THSD7A: variants seen among roughly 807,000 people sequenced by gnomAD.
The protein encoded by THSD7A is thrombospondin type-1 domain-containing protein 7A.
Under a neutral mutation model 231.3 loss-of-function variants are expected in THSD7A, and 96 were observed. That is an observed-to-expected ratio of 0.41 (90% confidence interval 0.35 to 0.49). The LOEUF is 0.49. Among genes scored for constraint, THSD7A ranks in the 20% least tolerant of loss-of-function variants. The pLI, the probability that THSD7A is intolerant of heterozygous loss-of-function variation, is 0.05. For synonymous variants in THSD7A, 940 were observed against 743.3 expected, an observed-to-expected ratio of 1.26 and a Z score of -4.30; for missense variants, 2,290 against 2,070.2, an observed-to-expected ratio of 1.11 and a Z score of -2.06.
chr7:11,379,841 G>A, intron 24 of THSD7A, 129 bp from the exon 25 acceptor site: 2 of 1,001,202 alleles, frequency 2.0e-6, no homozygotes, highest in Non-Finnish European at 3.0e-6. Context: ...GTCAGTGGTT[G>A]ACTGTGAAAT....
At chr7:11,611,767 C>A (rs1052451620) in intron 2 of THSD7A, among the ~76,000 whole-genome samples, 1 of 147,488 alleles carries the variant, frequency 6.8e-6, no homozygotes, top group Non-Finnish European at 1.5e-5. Context: ...ATTGCTACAA[C>A]TAGCCATAAA....
intron 1 of THSD7A, among the ~76,000 whole-genome samples, chr7:11,812,147 CAGAG>C (rs902526907): frequency 2.3e-5 from 3 of 131,620 alleles, no homozygotes; most frequent in African/African-American, 9.0e-5. Context: ...GTGTGGGAGA[CAGAG>C]AGAGAGATAT....
At chr7:11,729,014 A>G (rs974872515) in intron 1 of THSD7A, among the ~76,000 whole-genome samples, 1 of 151,878 alleles carries the variant, frequency 6.6e-6, no homozygotes, top group Non-Finnish European at 1.5e-5. Flanking sequence ...AAACCATATC[A>G]TTAAAGAAAC....
chr7:11,524,164 C>T (rs1423206077), intron 6 of THSD7A, among the ~76,000 whole-genome samples: 1 of 152,126 alleles, frequency 6.6e-6, no homozygotes, highest in Admixed American at 6.6e-5. Context: ...TTTCTTCTTA[C>T]ATGAATTGTA....
rs47 is a variant in THSD7A, at chr7:11,541,494, T to G, written c.1747A>C (p.Asn583His). Residue 583 changes from asparagine (N) to histidine (H), a missense_variant, in exon 6 of 28, where the codon AAC (asparagine) becomes CAC (histidine). Coordinates refer to ENST00000423059, the MANE Select transcript of THSD7A (RefSeq NM_015204.3). ...CYDWKAVRLG[N>H]CEPDNGKECG... Reference sequence around the variant, plus strand: ...TCCTTTCCGTTATCTGGCTCGCAGTTTCCCAGTCTCACTGCTTTCCAGTCA... The same window carrying G: ...TCCTTTCCGTTATCTGGCTCGCAGTGTCCCAGTCTCACTGCTTTCCAGTCA... 1.2e-6 allele frequency: 2 copies of G among 1,613,588 alleles called. No individual in the cohort carries two copies. Among genetic ancestry groups the G allele is most frequent in the Non-Finnish European group, 1.7e-6 (2 of 1,179,730 alleles).
intron 4 of THSD7A, among the ~76,000 whole-genome samples, chr7:11,586,019 A>T (rs1779887277): frequency 6.6e-6 from 1 of 152,128 alleles, no homozygotes; most frequent in Admixed American, 6.5e-5. Flanking sequence ...TGCTTTTTAC[A>T]TCCCACTGTA....
In THSD7A at chr7:11,375,130, C is replaced by T. The variant is rs929225716; in HGVS notation, c.*664G>A. 2 of 151,840 alleles carry T rather than the reference C, an allele frequency of 1.3e-5. No homozygotes were observed. Among genetic ancestry groups the T allele is most frequent in the Admixed American group, 6.6e-5 (1 of 15,200 alleles). The allele number at this position is 151,840 out of a possible 1,614,324, so 9.4% of individuals were successfully genotyped here. On this transcript the variant is annotated 3_prime_UTR_variant, in exon 28 of 28. Transcript: ENST00000423059. ...CTATAAAATACTGAACTTGAGGACT[C>T]GTTCTTCTAAGACACTAGTACTTGT...
intron 1 of THSD7A, among the ~76,000 whole-genome samples, chr7:11,778,750 G>A (rs1783527884): frequency 6.6e-6 from 1 of 152,044 alleles, no homozygotes; most frequent in Admixed American, 6.5e-5. Context: ...TGAATCATAT[G>A]AATATGAAGT....
intron 4 of THSD7A, among the ~76,000 whole-genome samples, chr7:11,563,131 G>C (rs559886427): frequency 1.3e-5 from 2 of 152,036 alleles, no homozygotes; most frequent in African/African-American, 4.8e-5. Flanking sequence ...TTGAATCATA[G>C]AAGTTTATTT....
chr7:11,554,610 G>A (rs31), intron 4 of THSD7A, among the ~76,000 whole-genome samples: 124,698 of 151,890 alleles, frequency 0.82, 51,705 homozygotes, highest in African/African-American at 0.93. Context: ...TTTAATATTG[G>A]AGTAGGCTTG....
chr7:11,818,022 G>A (rs112738233), intron 1 of THSD7A, among the ~76,000 whole-genome samples: 1,646 of 152,152 alleles, frequency 0.011, 38 homozygotes, highest in African/African-American at 0.037. Flanking sequence ...CCTCTGTAAC[G>A]TTTATAGTCA....
chr7:11,418,570 G>C lies in THSD7A; in HGVS notation c.3384-967C>G, dbSNP rs536938958. On this transcript the variant is annotated intron_variant, in intron 16 of 27. Transcript: ENST00000423059. ...TGAACTCTCAAGTCTCTCAAACCTA[G>C]TGTCATGTTTTAAAATATCACTTGA... Among the ~76,000 whole-genome samples the C allele has an allele frequency of 1.1e-4, 17 of 152,316 alleles. No homozygotes were observed. In the South Asian group the frequency reaches 3.5e-3, roughly 32 times the overall value.
In THSD7A at chr7:11,470,010, G is replaced by A; in HGVS notation, c.2253-16C>T. On this transcript the variant is annotated splice_polypyrimidine_tract_variant and intron_variant, in intron 8 of 27. Coordinates refer to ENST00000423059, the MANE Select transcript of THSD7A (RefSeq NM_015204.3). ...TTCAGGACATCTAGAAAGGCAAAGGGGAATTATTAGGCTTCAATAGTAAAG... is the reference window on the plus strand; with the variant it reads ...TTCAGGACATCTAGAAAGGCAAAGGAGAATTATTAGGCTTCAATAGTAAAG... The A allele has an allele frequency of 6.7e-7, 1 of 1,487,146 alleles. No homozygotes were observed. The allele number at this position is 1,487,146 out of a possible 1,614,324, so 92.1% of individuals were successfully genotyped here. A position where few individuals can be genotyped will look rare whatever the true frequency, so the allele number is the denominator to read the frequency against.
chr7:11,605,350 A>G (rs895020598), intron 2 of THSD7A, among the ~76,000 whole-genome samples: 7 of 152,122 alleles, frequency 4.6e-5, no homozygotes, highest in Non-Finnish European at 8.8e-5. Flanking sequence ...AAATGAGCCC[A>G]ATAATTTCTC....
intron 1 of THSD7A, among the ~76,000 whole-genome samples, chr7:11,719,272 T>C (rs1019220661): frequency 4.0e-5 from 6 of 151,636 alleles, no homozygotes; most frequent in African/African-American, 2.4e-5. Context: ...CCTCCCACCC[T>C]ACGCCCTTGG....
At chr7:11,456,429 T>TC (rs1182324737) in intron 11 of THSD7A, among the ~76,000 whole-genome samples, 1 of 152,084 alleles carries the variant, frequency 6.6e-6, no homozygotes. Flanking sequence ...TTTACTATTG[T>TC]CCCAGTCTTT....
intron 4 of THSD7A, among the ~76,000 whole-genome samples, chr7:11,567,731 C>T (rs1379725045): frequency 1.3e-5 from 2 of 152,100 alleles, no homozygotes; most frequent in African/African-American, 4.8e-5. Context: ...GATTGCAAAC[C>T]ACAGCTGTAT....
At chr7:11,712,107 A>C (rs34332740) in intron 1 of THSD7A, among the ~76,000 whole-genome samples, 20,773 of 150,886 alleles carry the variant, frequency 0.14, 1,592 homozygotes, top group Admixed American at 0.19. Flanking sequence ...AAAAAACTAG[A>C]CTTCTGTCTA....
intron 1 of THSD7A, among the ~76,000 whole-genome samples, chr7:11,683,279 T>C (rs1345489837): frequency 6.6e-6 from 1 of 151,770 alleles, no homozygotes; most frequent in Non-Finnish European, 1.5e-5. Context: ...CAATGAAACA[T>C]AATTAATCAC....
Sources: allele counts gnomAD v4.1 joint callset (sites outside exome capture counted in the v4.1 genomes callset), GRCh38; gene constraint gnomAD v4.1.1; transcripts MANE v1.5; gene names NCBI Gene and HGNC (gene_info 2026-07-23, HGNC 2026-07-21).